Variants in CDH12 observed in about 807,000 individuals in gnomAD.
The protein encoded by CDH12 is cadherin 12.
Under a neutral mutation model 74.1 loss-of-function variants are expected in CDH12, and 41 were observed. The observed-to-expected ratio is 0.55, with a 90% CI of 0.43 to 0.72. The LOEUF is 0.72. Among genes scored for constraint, CDH12 ranks in the 30% least tolerant of loss-of-function variants. CDH12 has a pLI of 0.00. For synonymous variants in CDH12, 399 were observed against 355.0 expected, an observed-to-expected ratio of 1.12 and a Z score of -1.39; for missense variants, 945 against 977.2, an observed-to-expected ratio of 0.97 and a Z score of 0.44.
At chr5:22,401,418 G>C (rs1169223768) in intron 3 of CDH12, among the ~76,000 whole-genome samples, 1 of 151,996 alleles carries the variant, frequency 6.6e-6, no homozygotes, top group Non-Finnish European at 1.5e-5. Flanking sequence ...TAGCATTTAT[G>C]TTTTATACCA....
intron 6 of CDH12, among the ~76,000 whole-genome samples, chr5:21,954,722 GA>G (rs1561325619): frequency 1.3e-5 from 2 of 152,164 alleles, no homozygotes; most frequent in East Asian, 3.9e-4. Flanking sequence ...TGTAAAACAG[GA>G]GGGGTTTTAA....
intron 1 of CDH12, among the ~76,000 whole-genome samples, chr5:22,803,900 T>C (rs1396963038): frequency 2.0e-5 from 3 of 152,142 alleles, no homozygotes; most frequent in Non-Finnish European, 2.9e-5. Context: ...AGCAGAATAT[T>C]TATTTGGTAA....
At chr5:22,012,730 C>T (rs1253344151) in intron 5 of CDH12, among the ~76,000 whole-genome samples, 2 of 147,974 alleles carry the variant, frequency 1.4e-5, no homozygotes, top group African/African-American at 5.0e-5. Flanking sequence ...GCCTCCACTA[C>T]TTACTGGATT....
intron 1 of CDH12, among the ~76,000 whole-genome samples, chr5:22,710,701 G>A (rs1029608543): frequency 1.2e-4 from 18 of 152,218 alleles, no homozygotes; most frequent in Admixed American, 7.2e-4. Context: ...CCCAGAATTA[G>A]AGAATATTAA....
intron 3 of CDH12, among the ~76,000 whole-genome samples, chr5:22,274,549 T>C (rs951987559): frequency 6.6e-6 from 1 of 152,052 alleles, no homozygotes; most frequent in African/African-American, 2.4e-5. Context: ...CAAACATGAA[T>C]TTATGTGTGT....
chr5:22,592,933 G>A (rs1404054289), intron 1 of CDH12, among the ~76,000 whole-genome samples: 1 of 151,462 alleles, frequency 6.6e-6, no homozygotes, highest in Non-Finnish European at 1.5e-5. Flanking sequence ...GGGAGGCAGA[G>A]GTAGGAGAAT....
chr5:22,842,545 C>A (rs896458588), intron 1 of CDH12, among the ~76,000 whole-genome samples: 1 of 151,910 alleles, frequency 6.6e-6, no homozygotes, highest in Non-Finnish European at 1.5e-5. Context: ...GGGGTAATAA[C>A]CAAAGATTTA....
At chr5:22,449,748 T>C (rs1744970205) in intron 2 of CDH12, among the ~76,000 whole-genome samples, 1 of 152,046 alleles carries the variant, frequency 6.6e-6, no homozygotes, top group South Asian at 2.1e-4. Flanking sequence ...ATCTGTTATA[T>C]GGACTTGCTC....
intron 4 of CDH12, among the ~76,000 whole-genome samples, chr5:22,100,298 A>C (rs1744061554): frequency 6.6e-6 from 1 of 152,162 alleles, no homozygotes; most frequent in East Asian, 1.9e-4. Flanking sequence ...AATTTATTGG[A>C]GGGATAGTGA....
chr5:21,906,104 T>A (rs1753629614), intron 6 of CDH12, among the ~76,000 whole-genome samples: 1 of 152,178 alleles, frequency 6.6e-6, no homozygotes, highest in Non-Finnish European at 1.5e-5. Context: ...TCCTAACCAT[T>A]AATTAATATC....
At position 22,807,384 on chromosome 5, in the gene CDH12, G is replaced by A. The variant is rs561868398; in HGVS notation, c.-523+45674C>T. On this transcript the variant is annotated intron_variant, in intron 1 of 14. Coordinates refer to ENST00000382254, the MANE Select transcript of CDH12 (RefSeq NM_004061.5). ...TTATACATTTTTAGACTATTAATCC[G>A]TATATCATACCCAATTAAATCTCAT... Among the ~76,000 whole-genome samples the A allele has an allele frequency of 1.1e-4, 17 of 152,048 alleles. No homozygotes were observed. In the South Asian group the frequency reaches 1.2e-3, roughly 11 times the overall value.
chr5:22,263,337 A>C (rs1753590863), intron 3 of CDH12, among the ~76,000 whole-genome samples: 1 of 152,150 alleles, frequency 6.6e-6, no homozygotes, highest in African/African-American at 2.4e-5. Flanking sequence ...AACAGAAAAA[A>C]TAAAAATAAA....
chr5:22,082,065 C>A lies in CDH12; in HGVS notation c.-186-3203G>T, dbSNP rs78340111. Among the ~76,000 whole-genome samples, 1,217 of 152,284 alleles carry A rather than the reference C, an allele frequency of 8.0e-3. 8 individuals are homozygous for A. Among genetic ancestry groups the A allele is most frequent in the African/African-American group, 0.028 (1,173 of 41,560 alleles). On this transcript the variant is annotated intron_variant, in intron 4 of 14. Coordinates refer to ENST00000382254, the MANE Select transcript of CDH12 (RefSeq NM_004061.5). ...AATCTGAACACATCTCTGTTTATGTCTTCCACCCACAAATTTTATACTTTT... is the reference window on the plus strand; with the variant it reads ...AATCTGAACACATCTCTGTTTATGTATTCCACCCACAAATTTTATACTTTT...
intron 1 of CDH12, among the ~76,000 whole-genome samples, chr5:22,735,027 G>C (rs1333991335): frequency 6.6e-6 from 1 of 151,920 alleles, no homozygotes; most frequent in African/African-American, 2.4e-5. Context: ...GCTTATAGCA[G>C]AAAATGGACT....
intron 1 of CDH12, among the ~76,000 whole-genome samples, chr5:22,734,308 T>C (rs1382383793): frequency 6.6e-6 from 1 of 151,928 alleles, no homozygotes; most frequent in African/African-American, 2.4e-5. Flanking sequence ...GTATCATTTG[T>C]TGACATCTGA....
chr5:22,611,630 T>C (rs891902118), intron 1 of CDH12, among the ~76,000 whole-genome samples: 4 of 152,110 alleles, frequency 2.6e-5, no homozygotes, highest in African/African-American at 4.8e-5. Context: ...ATTATTCATA[T>C]AGAGATGGTG....
At chr5:21,912,667 C>T (rs1400223268) in intron 6 of CDH12, among the ~76,000 whole-genome samples, 5 of 152,134 alleles carry the variant, frequency 3.3e-5, no homozygotes, top group Admixed American at 2.6e-4. Context: ...TAGAATCATT[C>T]AAGATGCCCG....
chr5:22,651,622 G>A (rs1739742555), intron 1 of CDH12, among the ~76,000 whole-genome samples: 1 of 151,766 alleles, frequency 6.6e-6, no homozygotes, highest in Admixed American at 6.6e-5. Flanking sequence ...GGGATTATGA[G>A]GATTACAATT....
At chr5:22,334,678 A>G (rs1739499153) in intron 3 of CDH12, among the ~76,000 whole-genome samples, 1 of 152,198 alleles carries the variant, frequency 6.6e-6, no homozygotes. Flanking sequence ...CAGACTAGAG[A>G]ACCCAGAAAT....
Sources: allele counts gnomAD v4.1 joint callset (sites outside exome capture counted in the v4.1 genomes callset), GRCh38; gene constraint gnomAD v4.1.1; transcripts MANE v1.5; gene names NCBI Gene and HGNC (gene_info 2026-07-23, HGNC 2026-07-21).